The following PPIP5K1 variants were observed in gnomAD, a reference collection of about 807,000 sequenced individuals.
PPIP5K1 encodes diphosphoinositol pentakisphosphate kinase 1.
Under a neutral mutation model 27.7 loss-of-function variants are expected in PPIP5K1, and 6 were observed. The ratio of observed to expected loss-of-function variants is 0.22; its 90% CI spans 0.12 to 0.43. The LOEUF (loss-of-function observed/expected upper bound fraction) is 0.43, where lower values mean the gene tolerates loss of function less well. Ranked by LOEUF, PPIP5K1 falls within the 20% of genes least tolerant of loss-of-function variation. PPIP5K1 has a pLI of 1.00. For synonymous variants in PPIP5K1, 145 were observed against 242.6 expected (o/e 0.60, Z 3.74); for missense variants, 394 against 635.4 (o/e 0.62, Z 4.08).
chr15:43,559,243 G>A (rs576986072), intron 29 of PPIP5K1, among the ~76,000 whole-genome samples: 7 of 152,196 alleles, frequency 4.6e-5, no homozygotes, highest in Admixed American at 2.6e-4. Context: ...AGGCACCAAC[G>A]TTGTTCTCAC....
Position 43,544,902 on chromosome 15 carries a change from G to A in PPIP5K1, c.3557-5319C>T, listed in dbSNP as rs185613854. 7.0e-4 allele frequency among the ~76,000 whole-genome samples: 107 copies of A among 152,196 alleles called. 1 individual carries two copies. Among genetic ancestry groups the A allele is most frequent in the Admixed American group, 1.3e-3 (20 of 15,286 alleles). On this transcript the variant is annotated intron_variant, in intron 30 of 31. Transcript: ENST00000420765. ...TCTTAAAAGTGGATTATTGGGGCCG[G>A]GCGTGGTGGCTCACGCCTGTAATTA...
chr15:43,553,130 T>C (rs2082443067), intron 30 of PPIP5K1, among the ~76,000 whole-genome samples: 1 of 152,230 alleles, frequency 6.6e-6, no homozygotes, highest in Non-Finnish European at 1.5e-5. Context: ...CATCATTCCA[T>C]TGTGGTTGGA....
intron 30 of PPIP5K1, among the ~76,000 whole-genome samples, chr15:43,554,943 C>G (rs2082738136): frequency 6.6e-6 from 1 of 152,044 alleles, no homozygotes; most frequent in African/African-American, 2.4e-5. Flanking sequence ...TCAAGCAATT[C>G]TCCTACCTCA....
chr15:43,548,302 T>C (rs949535721), intron 30 of PPIP5K1: 12 of 151,912 alleles, frequency 7.9e-5, no homozygotes, highest in African/African-American at 2.9e-4. Flanking sequence ...AGAGACAGGG[T>C]TTCATCATGT....
chr15:43,550,269 G>A (rs2140850132), intron 30 of PPIP5K1, among the ~76,000 whole-genome samples: 1 of 151,992 alleles, frequency 6.6e-6, no homozygotes, highest in African/African-American at 2.4e-5. Context: ...TCAATTAGCT[G>A]GGACTACAGG....
intron 30 of PPIP5K1, 40 bp downstream of exon 30, chr15:43,558,755 G>A (rs761861919): frequency 6.2e-7 from 1 of 1,609,486 alleles, no homozygotes; most frequent in East Asian, 2.2e-5. Flanking sequence ...GCATGGGCAT[G>A]GGGGCAGAGA....
chr15:43,552,528 TAAAAAAAAAAAAAAAAAGA>T (rs2082341192), intron 30 of PPIP5K1, among the ~76,000 whole-genome samples: 1 of 69,430 alleles, frequency 1.4e-5, no homozygotes, highest in African/African-American at 4.3e-5. Context: ...TCTGTCTCTA[TAAAAAAAAAAAAAAAAAGA>T]AAAAAAAAAG....
intron 30 of PPIP5K1, among the ~76,000 whole-genome samples, chr15:43,556,318 C>CA (rs1180300504): frequency 6.6e-6 from 1 of 150,858 alleles, no homozygotes; most frequent in Non-Finnish European, 1.5e-5. Flanking sequence ...GACTCCATCT[C>CA]AAAAAACAGA....
In PPIP5K1 at chr15:43,533,828, G is replaced by A. The variant is rs2079522472; in HGVS notation, c.*846C>T. 6.6e-6 allele frequency: 1 copy of A among 152,128 alleles called. No homozygotes were observed. The highest frequency in any genetic ancestry group is 2.1e-4 in the South Asian group (1 of 4,816). The allele number at this position is 152,128 out of a possible 1,614,324, so 9.4% of individuals were successfully genotyped here. ...CTAAGCCAAACAGCCCCACCACAGAGGAGGCCCACTTTCACAGACTGGCTA... is the reference window on the plus strand; with the variant it reads ...CTAAGCCAAACAGCCCCACCACAGAAGAGGCCCACTTTCACAGACTGGCTA... On this transcript the variant is annotated 3_prime_UTR_variant, in exon 32 of 32. Coordinates refer to ENST00000420765, the MANE Select transcript of PPIP5K1 (RefSeq NM_001394395.1).
chr15:43,538,637 G>A (rs1372046108), intron 31 of PPIP5K1, among the ~76,000 whole-genome samples: 1 of 152,012 alleles, frequency 6.6e-6, no homozygotes, highest in East Asian at 1.9e-4. Flanking sequence ...TCAGCCTTCC[G>A]AGTAGCTGGG....
At chr15:43,552,550 A>G (rs1313837145) in intron 30 of PPIP5K1, among the ~76,000 whole-genome samples, 3 of 150,376 alleles carry the variant, frequency 2.0e-5, no homozygotes, top group Non-Finnish European at 4.4e-5. Context: ...AAAAAAGAAA[A>G]AAAAAAGAAA....
rs1329284933 is a variant in PPIP5K1 at position 43,558,776 on chromosome 15, A to G, written c.3556+19T>C. ...GCATGGGGGCAGAGAGAAGGGTAAA[A>G]AAATAAGAATATCCCTACCTGCAGA... On this transcript the variant is annotated intron_variant, in intron 30 of 31. Coordinates refer to ENST00000420765, the MANE Select transcript of PPIP5K1 (RefSeq NM_001394395.1). The G allele has an allele frequency of 1.9e-6, 3 of 1,612,986 alleles. No homozygotes were observed. The highest frequency in any genetic ancestry group is 2.5e-6 in the Non-Finnish European group (3 of 1,179,980).
rs1449391813 is a variant in PPIP5K1, at chr15:43,579,444, G to A, written c.1062-324C>T. Among the ~76,000 whole-genome samples the A allele has an allele frequency of 5.0e-4, 50 of 100,256 alleles. 2 individuals carry two copies. Among genetic ancestry groups the A allele is most frequent in the African/African-American group, 7.7e-4 (10 of 12,962 alleles). 65.8% of individuals were successfully genotyped at this position (100,256 alleles called of 152,430 possible). A position where few individuals can be genotyped will look rare whatever the true frequency, so the allele number is the denominator to read the frequency against. Reference sequence around the variant, plus strand: ...CACACGTATGTGTACATACACACACGTATGTGTACAGTTTGTGTATATACA... The same window carrying A: ...CACACGTATGTGTACATACACACACATATGTGTACAGTTTGTGTATATACA... On this transcript the variant is annotated intron_variant, in intron 10 of 31. Transcript: ENST00000420765.
intron 30 of PPIP5K1, among the ~76,000 whole-genome samples, chr15:43,543,663 G>T (rs893153501): frequency 1.3e-5 from 2 of 151,994 alleles, no homozygotes; most frequent in African/African-American, 4.8e-5. Flanking sequence ...TATTGATATT[G>T]CCAATTCATA....
intron 31 of PPIP5K1, among the ~76,000 whole-genome samples, chr15:43,537,738 T>C (rs2080103967): frequency 6.9e-6 from 1 of 145,496 alleles, no homozygotes; most frequent in Non-Finnish European, 1.5e-5. Context: ...GAGAAGATCA[T>C]GGTTTTGAAC....
chr15:43,539,704 C>A, intron 30 of PPIP5K1, 121 bp from the exon 31 acceptor site: 1 of 623,186 alleles, frequency 1.6e-6, no homozygotes, highest in Non-Finnish European at 2.9e-6. Flanking sequence ...TGAGAAGTAG[C>A]ATTTCCTGGG....
In PPIP5K1 at chr15:43,579,490, T is replaced by C. The variant is rs1432909321; in HGVS notation, c.1062-370A>G. ...ATACACACATGTATGCGCATATAGATACACACATATGTGTATATAGATGCA... is the reference window on the plus strand; with the variant it reads ...ATACACACATGTATGCGCATATAGACACACACATATGTGTATATAGATGCA... On this transcript the variant is annotated intron_variant, in intron 10 of 31. Transcript: ENST00000420765. Among the ~76,000 whole-genome samples the C allele has an allele frequency of 1.4e-4, 14 of 99,812 alleles. No individual in the cohort carries two copies. The South Asian group carries it at 1.7e-3, about 12-fold the overall frequency. 65.5% of individuals were successfully genotyped at this position (99,812 alleles called of 152,430 possible).
At chr15:43,556,468 C>T (rs1051959982) in intron 30 of PPIP5K1, among the ~76,000 whole-genome samples, 1 of 150,754 alleles carries the variant, frequency 6.6e-6, no homozygotes, top group African/African-American at 2.5e-5. Flanking sequence ...GAAATCCTGT[C>T]TCTACTAAAA....
intron 29 of PPIP5K1, among the ~76,000 whole-genome samples, chr15:43,559,170 T>C (rs140170833): frequency 1.2e-3 from 181 of 152,284 alleles, no homozygotes; most frequent in African/African-American, 3.5e-3. Flanking sequence ...CAAATCACCT[T>C]TCATGCTACC....
Sources: allele counts gnomAD v4.1 joint callset (sites outside exome capture counted in the v4.1 genomes callset), GRCh38; gene constraint gnomAD v4.1.1; transcripts MANE v1.5; gene names NCBI Gene and HGNC (gene_info 2026-07-23, HGNC 2026-07-21).